Variants in AKAP6 observed in about 807,000 individuals in gnomAD.
AKAP6 encodes A-kinase anchoring protein 6, also known as A-kinase anchor protein 6.
A neutral mutation model predicts 188.5 loss-of-function variants in AKAP6; 58 were observed. The observed-to-expected ratio is 0.31, with a 90% CI of 0.25 to 0.38. The LOEUF (loss-of-function observed/expected upper bound fraction) is 0.38, where lower values mean the gene tolerates loss of function less well. Among genes scored for constraint, AKAP6 ranks in the 10% least tolerant of loss-of-function variants. The pLI is 1.00. For synonymous variants in AKAP6, 989 were observed against 998.6 expected (o/e 0.99, Z 0.18); for missense variants, 2,710 against 2,740.0 (o/e 0.99, Z 0.24).
rs530876722 is a variant in AKAP6, at chr14:32,672,781, C to T, written c.2731-5530C>T. ...CCCACTATTTGGTATGGTGGGCATC[C>T]AGCCTGATAGGAACTGCTGATTCAA... On this transcript the variant is annotated intron_variant, in intron 7 of 13. Coordinates refer to ENST00000280979, the MANE Select transcript of AKAP6 (RefSeq NM_004274.5). Among the ~76,000 whole-genome samples the T allele has an allele frequency of 2.6e-5, 4 of 152,252 alleles. No homozygotes were observed. The East Asian group carries it at 7.7e-4, about 29-fold the overall frequency.
intron 1 of AKAP6, among the ~76,000 whole-genome samples, chr14:32,380,297 C>T (rs1167882112): frequency 1.3e-5 from 2 of 152,268 alleles, no homozygotes; most frequent in South Asian, 2.1e-4. Flanking sequence ...TTCCCACCGG[C>T]CCCCCGTTCT....
At chr14:32,658,497 A>AT (rs1320727906) in intron 7 of AKAP6, among the ~76,000 whole-genome samples, 1 of 152,058 alleles carries the variant, frequency 6.6e-6, no homozygotes, top group African/African-American at 2.4e-5. Context: ...TGAAGATCAG[A>AT]TTTTTTAATG....
intron 7 of AKAP6, among the ~76,000 whole-genome samples, chr14:32,669,174 C>T (rs955157584): frequency 6.6e-6 from 1 of 152,080 alleles, no homozygotes; most frequent in Non-Finnish European, 1.5e-5. Context: ...TGTCTTACCC[C>T]TAAGAGACAC....
chr14:32,710,710 C>A (rs546336132), intron 9 of AKAP6, among the ~76,000 whole-genome samples: 1 of 152,154 alleles, frequency 6.6e-6, no homozygotes, highest in East Asian at 1.9e-4. Context: ...CGTTGTTAAA[C>A]GTAGGAAGTA....
At chr14:32,408,375 G>A (rs149983620) in intron 1 of AKAP6, among the ~76,000 whole-genome samples, 6 of 152,114 alleles carry the variant, frequency 3.9e-5, no homozygotes, top group African/African-American at 1.4e-4. Context: ...GGTCAGAGAC[G>A]TAAAAATGAT....
At chr14:32,810,258 T>G (rs1163815641) in intron 12 of AKAP6, among the ~76,000 whole-genome samples, 1 of 152,106 alleles carries the variant, frequency 6.6e-6, no homozygotes, top group Non-Finnish European at 1.5e-5. Context: ...ATGCTCGTTT[T>G]TTTTTTTTAA....
At chr14:32,563,939 A>T (rs991004499) in intron 4 of AKAP6, among the ~76,000 whole-genome samples, 3 of 152,212 alleles carry the variant, frequency 2.0e-5, no homozygotes, top group Admixed American at 1.3e-4. Flanking sequence ...TTATTTATTT[A>T]TAATTGGTAT....
intron 2 of AKAP6, among the ~76,000 whole-genome samples, chr14:32,533,601 G>A (rs563291266): frequency 6.6e-6 from 1 of 152,302 alleles, no homozygotes; most frequent in East Asian, 1.9e-4. Flanking sequence ...TCAGCCGTGG[G>A]AGGGAGGGAG....
chr14:32,820,146 C>A (rs1769505655), intron 12 of AKAP6, among the ~76,000 whole-genome samples: 1 of 151,962 alleles, frequency 6.6e-6, no homozygotes, highest in African/African-American at 2.4e-5. Context: ...TGGTAAGCAG[C>A]AAAGTCAGCC....
At chr14:32,428,624 G>A (rs891976059) in intron 1 of AKAP6, among the ~76,000 whole-genome samples, 1 of 152,158 alleles carries the variant, frequency 6.6e-6, no homozygotes, top group Non-Finnish European at 1.5e-5. Flanking sequence ...AGAGAAAATT[G>A]TAAAAGAAAG....
chr14:32,771,716 G>C (rs2032903828), intron 11 of AKAP6, among the ~76,000 whole-genome samples: 1 of 152,086 alleles, frequency 6.6e-6, no homozygotes, highest in African/African-American at 2.4e-5. Flanking sequence ...TAAGAACTTT[G>C]GGACTTTTTG....
intron 2 of AKAP6, among the ~76,000 whole-genome samples, chr14:32,444,879 C>G (rs1043037394): frequency 6.6e-6 from 1 of 152,202 alleles, no homozygotes; most frequent in African/African-American, 2.4e-5. Context: ...GAATCTATTT[C>G]TGTAATAGTG....
At chr14:32,755,293 T>G (rs547568921) in intron 11 of AKAP6, among the ~76,000 whole-genome samples, 6 of 152,000 alleles carry the variant, frequency 3.9e-5, no homozygotes, top group Non-Finnish European at 7.4e-5. Context: ...TGAAGCTCTT[T>G]ATGGAATTTT....
At chr14:32,787,756 G>A (rs894308013) in intron 12 of AKAP6, among the ~76,000 whole-genome samples, 2 of 152,012 alleles carry the variant, frequency 1.3e-5, no homozygotes, top group Non-Finnish European at 2.9e-5. Flanking sequence ...GTATTTCTAG[G>A]TAAGCTTCAA....
chr14:32,507,507 A>G (rs1461663914), intron 2 of AKAP6, among the ~76,000 whole-genome samples: 4 of 152,056 alleles, frequency 2.6e-5, no homozygotes, highest in Non-Finnish European at 5.9e-5. Context: ...TTTGAGCATC[A>G]GAATGTATTT....
intron 8 of AKAP6, among the ~76,000 whole-genome samples, chr14:32,687,980 C>T (rs1890005620): frequency 6.6e-6 from 1 of 151,978 alleles, no homozygotes; most frequent in Non-Finnish European, 1.5e-5. Flanking sequence ...GATTGTAGAC[C>T]TAGACTTCGC....
chr14:32,546,620 A>G lies in AKAP6; in HGVS notation c.1967A>G (p.Gln656Arg), dbSNP rs1196036062. Residue 656 changes from glutamine to arginine, a missense_variant, in exon 4 of 14, where the codon CAG becomes CGG. Gln to Arg is a conservative substitution (Grantham distance 43). Coordinates refer to ENST00000280979, the MANE Select transcript of AKAP6 (RefSeq NM_004274.5). ...GAAAACCTAACAAAGCTTCTGCCTC[A>G]GAAACCCAGAGGAGAAACCATCCAG... is the stretch of plus-strand genomic sequence containing the variant. Reference protein sequence around the residue: ...KLENLTKLLPQKPRGETIQNI... With the variant: ...KLENLTKLLPRKPRGETIQNI... 1 of 1,614,230 alleles carries G rather than the reference A, an allele frequency of 6.2e-7. No homozygotes were observed. Among genetic ancestry groups the G allele is most frequent in the Non-Finnish European group, 8.5e-7 (1 of 1,180,036 alleles).
chr14:32,810,999 G>A (rs1465650370), intron 12 of AKAP6, among the ~76,000 whole-genome samples: 2 of 152,036 alleles, frequency 1.3e-5, no homozygotes, highest in African/African-American at 2.4e-5. Flanking sequence ...CAGCACTTTG[G>A]GAGGCTGAGG....
At chr14:32,466,683 G>C (rs150202620) in intron 2 of AKAP6, among the ~76,000 whole-genome samples, 95 of 145,914 alleles carry the variant, frequency 6.5e-4, no homozygotes, top group East Asian at 2.6e-3. Context: ...CATGGCCCAT[G>C]TATACCTATG....
Sources: allele counts gnomAD v4.1 joint callset (sites outside exome capture counted in the v4.1 genomes callset), GRCh38; gene constraint gnomAD v4.1.1; transcripts MANE v1.5; gene names NCBI Gene and HGNC (gene_info 2026-07-23, HGNC 2026-07-21).